The following HACL1 variants were observed in gnomAD, a reference collection of about 807,000 sequenced individuals.
HACL1 encodes the protein 2-hydroxyacyl-CoA lyase 1, also known as 1600020H07Rik.
Under a neutral mutation model 74.2 loss-of-function variants are expected in HACL1, and 64 were observed. That is an observed-to-expected ratio of 0.86 (90% CI 0.70 to 1.06). The LOEUF (loss-of-function observed/expected upper bound fraction) is 1.06, where lower values mean the gene tolerates loss of function less well. HACL1 is among the 50% of genes least tolerant of loss of function. The probability of loss-of-function intolerance (pLI) is 0.00; values close to 1 mark genes in which losing one functional copy is unlikely to be tolerated. For synonymous variants in HACL1, 230 were observed against 238.8 expected (o/e 0.96, Z 0.34); for missense variants, 728 against 719.7 (o/e 1.01, Z -0.13).
At chr3:15,582,088 T>C (rs1321919092) in intron 8 of HACL1, among the ~76,000 whole-genome samples, 1 of 152,228 alleles carries the variant, frequency 6.6e-6, no homozygotes, top group Non-Finnish European at 1.5e-5. Context: ...AAACTATTTT[T>C]AGTTTCTACA....
intron 12 of HACL1, among the ~76,000 whole-genome samples, chr3:15,570,747 A>G (rs916907290): frequency 5.3e-5 from 8 of 152,020 alleles, no homozygotes; most frequent in African/African-American, 1.9e-4. Flanking sequence ...TACAATTTCC[A>G]AAACCTTAGC....
At chr3:15,581,564 G>T (rs6794169) in intron 8 of HACL1, among the ~76,000 whole-genome samples, 2,692 of 152,216 alleles carry the variant, frequency 0.018, 100 homozygotes, top group African/African-American at 0.061. Context: ...TGTACACTCA[G>T]TTCTCTCTTC....
chr3:15,593,720 C>G (rs532789656), intron 3 of HACL1, among the ~76,000 whole-genome samples: 1 of 149,582 alleles, frequency 6.7e-6, no homozygotes, highest in Non-Finnish European at 1.5e-5. Flanking sequence ...ATAAATATAA[C>G]GTCGACTGAT....
Position 15,586,590 on chromosome 3 carries a change from T to C in HACL1, c.394A>G (p.Arg132Gly). ...CGGGCAGAGAACTTGGTATATAATCTACAAGCTTCAACCTACATGGAAAAT... is the reference window on the plus strand; with the variant it reads ...CGGGCAGAGAACTTGGTATATAATCCACAAGCTTCAACCTACATGGAAAAT... Reference protein sequence around the residue: ...FQEFPQVEACRLYTKFSARPS... With the variant: ...FQEFPQVEACGLYTKFSARPS... Residue 132 changes from arginine (R) to glycine (G), a missense_variant, in exon 6 of 17, where the codon AGA (arginine) becomes GGA (glycine). Transcript: ENST00000321169. The C allele has an allele frequency of 6.3e-7, 1 of 1,588,010 alleles. No individual in the cohort carries two copies. The highest frequency in any genetic ancestry group is 1.3e-5 in the African/African-American group (1 of 74,482).
intron 16 of HACL1, among the ~76,000 whole-genome samples, 170 bp downstream of exon 16, chr3:15,563,188 T>TA (rs1285366672): frequency 6.6e-6 from 1 of 152,232 alleles, no homozygotes; most frequent in Non-Finnish European, 1.5e-5. Flanking sequence ...TCGTAGCACC[T>TA]AACACATATC....
chr3:15,586,429 A>G (rs2063795029), intron 6 of HACL1, 96 bp downstream of exon 6: 1 of 706,002 alleles, frequency 1.4e-6, no homozygotes, highest in African/African-American at 1.8e-5. Flanking sequence ...GTATGTTCCT[A>G]ATTGTCACTC....
chr3:15,592,494 A>G (rs1423003376), intron 3 of HACL1, among the ~76,000 whole-genome samples: 2 of 140,648 alleles, frequency 1.4e-5, no homozygotes, highest in Admixed American at 6.8e-5. Flanking sequence ...ACTTGTATAC[A>G]TATACACTTG....
intron 3 of HACL1, among the ~76,000 whole-genome samples, chr3:15,591,948 C>CACACACTATATACATAGTGTATATATAT (rs1170568944): frequency 4.7e-5 from 7 of 148,558 alleles, no homozygotes; most frequent in South Asian, 4.2e-4. Flanking sequence ...TGTATATATA[C>CACACACTATATACATAGTGTATATATAT]ACACACTATA....
At chr3:15,575,886 G>A (rs965233124) in intron 9 of HACL1, among the ~76,000 whole-genome samples, 55 of 151,782 alleles carry the variant, frequency 3.6e-4, no homozygotes, top group African/African-American at 1.3e-3. Flanking sequence ...GGCCTGGTGC[G>A]GTGGCTCATG....
At chr3:15,596,210 T>C (rs1324594959) in intron 3 of HACL1, 174 bp downstream of exon 3, 1 of 573,552 alleles carries the variant, frequency 1.7e-6, no homozygotes, top group Admixed American at 3.0e-5. Context: ...GAAACACTTC[T>C]GGTATCATTA....
Position 15,601,371 on chromosome 3 carries a change from G to T in HACL1, c.81+12C>A. On this transcript the variant is annotated intron_variant, in intron 1 of 16. Coordinates refer to ENST00000321169, the MANE Select transcript of HACL1 (RefSeq NM_012260.4). ...CCGTAGGAGCCTTTCATTCCAGGAA[G>T]GTCCATCGTACTTGCGTTTTCAGGG... is the stretch of plus-strand genomic sequence containing the variant. 6.2e-7 allele frequency: 1 copy of T among 1,614,034 alleles called. No individual in the cohort carries two copies. Among genetic ancestry groups the T allele is most frequent in the Non-Finnish European group, 8.5e-7 (1 of 1,179,972 alleles).
At chr3:15,588,606 A>AG (rs1164797805) in intron 5 of HACL1, among the ~76,000 whole-genome samples, 1 of 152,142 alleles carries the variant, frequency 6.6e-6, no homozygotes, top group African/African-American at 2.4e-5. Flanking sequence ...AAAGAAAAAA[A>AG]AAAGAAAGAA....
rs539087155 is a variant in HACL1, at chr3:15,581,393, C to G, written c.668-1348G>C. ...CATATTCTGTATATATAATTCTCTA[C>G]TGAATCCTAGTAAACAGTATCATGC... On this transcript the variant is annotated intron_variant, in intron 8 of 16. Transcript: ENST00000321169. Among the ~76,000 whole-genome samples the G allele has an allele frequency of 1.3e-4, 20 of 152,274 alleles. No individual in the cohort carries two copies. In the East Asian group the frequency reaches 3.7e-3, roughly 28 times the overall value.
intron 6 of HACL1, 128 bp from the exon 7 acceptor site, chr3:15,585,470 T>C (rs2063778813): frequency 1.6e-6 from 1 of 610,850 alleles, no homozygotes; most frequent in Admixed American, 2.9e-5. Context: ...GAGAAAAAAA[T>C]AATTATGATG....
chr3:15,592,199 T>TATATGTATACATGCGTATATAC (rs1356428649), intron 3 of HACL1, among the ~76,000 whole-genome samples: 1 of 143,656 alleles, frequency 7.0e-6, no homozygotes, highest in African/African-American at 2.8e-5. Flanking sequence ...TACGTATATA[T>TATATGTATACATGCGTATATAC]GTATACATGC....
At chr3:15,568,410 C>G in intron 13 of HACL1, 22 bp downstream of exon 13, 2 of 1,471,158 alleles carry the variant, frequency 1.4e-6, no homozygotes, top group Non-Finnish European at 1.9e-6. Flanking sequence ...ATTACGACTT[C>G]TTTCTTCTTT....
intron 3 of HACL1, among the ~76,000 whole-genome samples, chr3:15,591,909 T>G (rs181917937): frequency 6.6e-6 from 1 of 150,442 alleles, no homozygotes; most frequent in Non-Finnish European, 1.5e-5. Context: ...ACACTATATA[T>G]GTATATAGTG....
chr3:15,577,489 G>GAA (rs111623258), intron 9 of HACL1, among the ~76,000 whole-genome samples: 1 of 136,166 alleles, frequency 7.3e-6, no homozygotes. Context: ...TTCCTAAAAA[G>GAA]AAAAAAAAAA....
intron 11 of HACL1, 51 bp from the exon 12 acceptor site, chr3:15,571,820 CTTTTTTTTCTTTTTTTTTTTTTT>C (rs2063537145): frequency 2.0e-5 from 6 of 307,488 alleles, no homozygotes; most frequent in Non-Finnish European, 2.8e-5. Flanking sequence ...TTTTCTTTGC[CTTTTTTTTCTTTTTTTTTTTTTT>C]TTTTTTTTTT....
Sources: gnomAD v4.1 joint callset for allele counts (sites outside exome capture counted in the v4.1 genomes callset) on GRCh38, gnomAD v4.1.1 for gene constraint, MANE v1.5 for transcripts, NCBI Gene and HGNC (gene_info 2026-07-23, HGNC 2026-07-21) for gene names.